Variants in ADAM22 observed in about 807,000 individuals in gnomAD.
ADAM22 encodes disintegrin and metalloproteinase domain-containing protein 22.
Under a neutral mutation model 144.6 loss-of-function variants are expected in ADAM22, and 65 were observed. The observed-to-expected ratio is 0.45, with a 90% CI of 0.37 to 0.55. The LOEUF is 0.55. Ranked by LOEUF, ADAM22 falls within the 20% of genes least tolerant of loss-of-function variation. ADAM22 has a pLI of 0.00. For missense variants in ADAM22, 974 were observed against 1,184.9 expected (o/e 0.82, Z 2.61); for synonymous variants, 391 against 412.6 (o/e 0.95, Z 0.63).
At chr7:88,038,644 G>A (rs896935632) in intron 3 of ADAM22, among the ~76,000 whole-genome samples, 35 of 151,338 alleles carry the variant, frequency 2.3e-4, no homozygotes, top group South Asian at 4.2e-4. Flanking sequence ...TAGTAGAGAC[G>A]GGGTTTCACC....
chr7:88,140,698 T>C (rs1022819532), intron 14 of ADAM22, among the ~76,000 whole-genome samples: 1 of 152,008 alleles, frequency 6.6e-6, no homozygotes, highest in African/African-American at 2.4e-5. Context: ...TAGCTGGGCA[T>C]GGTGGCACAT....
At chr7:88,071,734 G>A (rs958025529) in intron 3 of ADAM22, among the ~76,000 whole-genome samples, 2 of 152,056 alleles carry the variant, frequency 1.3e-5, no homozygotes, top group African/African-American at 4.8e-5. Flanking sequence ...TTCCTTTAGA[G>A]AATGAGTGGC....
intron 29 of ADAM22, among the ~76,000 whole-genome samples, chr7:88,184,883 T>C (rs1847927116): frequency 6.6e-6 from 1 of 152,212 alleles, no homozygotes; most frequent in Non-Finnish European, 1.5e-5. Flanking sequence ...GTTGTAGCAT[T>C]CATGGAATAG....
At chr7:88,052,966 A>T (rs1324750581) in intron 3 of ADAM22, among the ~76,000 whole-genome samples, 4 of 152,152 alleles carry the variant, frequency 2.6e-5, no homozygotes, top group Non-Finnish European at 4.4e-5. Flanking sequence ...TTATGGGTTA[A>T]ATGTATTTAT....
At chr7:88,049,257 A>G (rs1352884982) in intron 3 of ADAM22, among the ~76,000 whole-genome samples, 2 of 152,210 alleles carry the variant, frequency 1.3e-5, no homozygotes. Flanking sequence ...GGGGAGTTAG[A>G]ATATTTCTTA....
At chr7:88,056,703 T>C (rs1808343707) in intron 3 of ADAM22, among the ~76,000 whole-genome samples, 2 of 152,228 alleles carry the variant, frequency 1.3e-5, no homozygotes, top group Non-Finnish European at 2.9e-5. Flanking sequence ...TGTTTTCAGA[T>C]GTTGCAAAAA....
intron 3 of ADAM22, among the ~76,000 whole-genome samples, chr7:88,035,280 T>C (rs1008032215): frequency 4.6e-5 from 7 of 152,248 alleles, no homozygotes; most frequent in African/African-American, 1.7e-4. Flanking sequence ...TATTAATATA[T>C]ACAAATCCAA....
chr7:87,934,565 C>G lies in ADAM22; in HGVS notation c.85+15C>G, dbSNP rs764233161. The G allele has an allele frequency of 6.2e-7, 1 of 1,602,156 alleles. No homozygotes were observed. The highest frequency in any genetic ancestry group is 1.1e-5 in the South Asian group (1 of 89,730). On this transcript the variant is annotated intron_variant, in intron 1 of 31. Coordinates refer to ENST00000413139, the MANE Select transcript of ADAM22 (RefSeq NM_001324418.2). Reference sequence around the variant, plus strand: ...CGGCCAGGCAGGTAAGTTAGCCGTCCTCTGTGCCTTTGGGCCATACCATTT... The same window carrying G: ...CGGCCAGGCAGGTAAGTTAGCCGTCGTCTGTGCCTTTGGGCCATACCATTT...
intron 23 of ADAM22, among the ~76,000 whole-genome samples, chr7:88,163,590 T>C (rs1415752749): frequency 6.6e-6 from 1 of 152,094 alleles, no homozygotes; most frequent in Non-Finnish European, 1.5e-5. Flanking sequence ...ACTTGTCAGA[T>C]TGTACACACT....
At chr7:88,010,308 C>CT (rs1795061093) in intron 3 of ADAM22, among the ~76,000 whole-genome samples, 1 of 152,060 alleles carries the variant, frequency 6.6e-6, no homozygotes. Flanking sequence ...TGCTTTAAGA[C>CT]TTTTTTTGCA....
intron 2 of ADAM22, among the ~76,000 whole-genome samples, chr7:87,943,827 G>C: frequency 6.6e-6 from 1 of 152,162 alleles, no homozygotes; most frequent in African/African-American, 2.4e-5. Flanking sequence ...GTATCAGCGA[G>C]GTTAAATGAA....
chr7:88,108,715 C>T (rs1044611261), intron 5 of ADAM22, among the ~76,000 whole-genome samples: 5 of 146,332 alleles, frequency 3.4e-5, no homozygotes, highest in Non-Finnish European at 5.9e-5. Context: ...TGGGATAGAG[C>T]GAGACTCTGA....
chr7:88,083,227 C>G lies in ADAM22; in HGVS notation c.390+7535C>G, dbSNP rs370984571. ...GCTGGAAACCATCATTCTCAGCAAA[C>G]TATTGCGAGGACAAAAAACCAAACA... On this transcript the variant is annotated intron_variant, in intron 4 of 31. Transcript: ENST00000413139. Among the ~76,000 whole-genome samples, 36 of 152,178 alleles carry G rather than the reference C, an allele frequency of 2.4e-4. 1 individual carries two copies. The South Asian group carries it at 7.1e-3, about 30-fold the overall frequency.
At chr7:88,011,921 A>C (rs1309902990) in intron 3 of ADAM22, among the ~76,000 whole-genome samples, 1 of 152,022 alleles carries the variant, frequency 6.6e-6, no homozygotes, top group Non-Finnish European at 1.5e-5. Flanking sequence ...TTATGATTTC[A>C]AATATTTCTT....
At chr7:88,018,444 C>G (rs1797029947) in intron 3 of ADAM22, among the ~76,000 whole-genome samples, 1 of 151,460 alleles carries the variant, frequency 6.6e-6, no homozygotes, top group Non-Finnish European at 1.5e-5. Context: ...ATTTTTTTTC[C>G]CCCATTACTG....
chr7:87,955,229 A>G (rs756014201), intron 2 of ADAM22, among the ~76,000 whole-genome samples: 1 of 151,868 alleles, frequency 6.6e-6, no homozygotes, highest in Non-Finnish European at 1.5e-5. Context: ...TAGAGTTTCC[A>G]TTTTTCTGCT....
chr7:88,019,216 G>A (rs943087871), intron 3 of ADAM22, among the ~76,000 whole-genome samples: 2 of 152,180 alleles, frequency 1.3e-5, no homozygotes, highest in African/African-American at 2.4e-5. Flanking sequence ...GCTCACACCT[G>A]TAATCTCAGC....
At chr7:87,991,607 C>A (rs1207077593) in intron 3 of ADAM22, among the ~76,000 whole-genome samples, 1 of 151,558 alleles carries the variant, frequency 6.6e-6, no homozygotes, top group African/African-American at 2.4e-5. Flanking sequence ...ACCTCATGAT[C>A]CACCCGCCTC....
intron 2 of ADAM22, among the ~76,000 whole-genome samples, chr7:87,958,087 T>G (rs1021354974): frequency 6.6e-6 from 1 of 152,206 alleles, no homozygotes; most frequent in Non-Finnish European, 1.5e-5. Context: ...TAAACATCAT[T>G]TATTCATTTT....
Sources: gnomAD v4.1 joint callset for allele counts (sites outside exome capture counted in the v4.1 genomes callset) on GRCh38, gnomAD v4.1.1 for gene constraint, MANE v1.5 for transcripts, NCBI Gene and HGNC (gene_info 2026-07-23, HGNC 2026-07-21) for gene names.